The following POFUT3 variants were observed in gnomAD, a reference collection of about 807,000 sequenced individuals.
The protein encoded by POFUT3 is GDP-fucose protein O-fucosyltransferase 3.
the POFUT3 span, among the ~76,000 whole-genome samples, chr8:33,403,684 C>T: frequency 5.6e-3 from 848 of 152,086 alleles, 6 homozygotes; most frequent in Middle Eastern, 0.014. Context: ...ACTATACCAC[C>T]GCATCCCAGC....
chr8:33,308,895 G>A, the POFUT3 span, among the ~76,000 whole-genome samples: 1 of 150,392 alleles, frequency 6.6e-6, no homozygotes, highest in Non-Finnish European at 1.5e-5. Context: ...TTCCCAGTCT[G>A]GTGGTGAATC....
chr8:33,364,199 A>G, the POFUT3 span, among the ~76,000 whole-genome samples: 1 of 152,212 alleles, frequency 6.6e-6, no homozygotes, highest in African/African-American at 2.4e-5. Flanking sequence ...GATGCAGAAA[A>G]GGCCTTTGAC....
the POFUT3 span, among the ~76,000 whole-genome samples, chr8:33,327,818 C>G: frequency 6.6e-6 from 1 of 152,192 alleles, no homozygotes; most frequent in Non-Finnish European, 1.5e-5. Flanking sequence ...TGACTAATTC[C>G]TGTTGGCCCA....
the POFUT3 span, among the ~76,000 whole-genome samples, chr8:33,438,284 G>GACATAGAT: frequency 1.3e-5 from 2 of 150,406 alleles, no homozygotes; most frequent in East Asian, 3.9e-4. Flanking sequence ...CCATCAGCAA[G>GACATAGAT]ACATAGATTC....
the POFUT3 span, among the ~76,000 whole-genome samples, chr8:33,340,894 T>C: frequency 6.6e-6 from 1 of 152,146 alleles, no homozygotes; most frequent in African/African-American, 2.4e-5. Context: ...ACAGAAAATA[T>C]AAAGACTACA....
chr8:33,361,920 G>T, the POFUT3 span, among the ~76,000 whole-genome samples: 1 of 151,762 alleles, frequency 6.6e-6, no homozygotes, highest in East Asian at 1.9e-4. Context: ...AAAAAAAAAT[G>T]ATTTTTAAAA....
the POFUT3 span, among the ~76,000 whole-genome samples, chr8:33,333,649 G>A: frequency 2.6e-4 from 39 of 152,074 alleles, no homozygotes; most frequent in African/African-American, 8.2e-4. Flanking sequence ...GTACACTTGA[G>A]GCAAAAAGCC....
chr8:33,383,487 C>T, the POFUT3 span, among the ~76,000 whole-genome samples: 1 of 152,110 alleles, frequency 6.6e-6, no homozygotes, highest in South Asian at 2.1e-4. Flanking sequence ...GCAGCAAAGG[C>T]TAGGGTGTAC....
At chr8:33,310,809 AG>A in the POFUT3 span, among the ~76,000 whole-genome samples, 1 of 152,250 alleles carries the variant, frequency 6.6e-6, no homozygotes, top group African/African-American at 2.4e-5. Flanking sequence ...TAATGCAAAG[AG>A]ATGATGCCTG....
At chr8:33,328,406 C>T in the POFUT3 span, among the ~76,000 whole-genome samples, 3 of 151,846 alleles carry the variant, frequency 2.0e-5, no homozygotes, top group South Asian at 6.2e-4. Flanking sequence ...AAAAGCAGCT[C>T]ACTTTTTCAA....
the POFUT3 span, among the ~76,000 whole-genome samples, chr8:33,339,976 G>A: frequency 2.0e-5 from 3 of 151,986 alleles, no homozygotes; most frequent in Non-Finnish European, 2.9e-5. Context: ...AGCAAAAAAT[G>A]AACAAAAAAC....
At chr8:33,468,342 C>T in the POFUT3 span, among the ~76,000 whole-genome samples, 9 of 152,128 alleles carry the variant, frequency 5.9e-5, no homozygotes, top group South Asian at 1.9e-3. Flanking sequence ...AGGCAGAAGG[C>T]AGGGAGCTCT....
At chr8:33,440,873 A>G in the POFUT3 span, among the ~76,000 whole-genome samples, 9 of 152,236 alleles carry the variant, frequency 5.9e-5, no homozygotes, top group African/African-American at 1.4e-4. Context: ...AGTATATAAC[A>G]CAAAGCTGGT....
chr8:33,454,823 C>T, the POFUT3 span, among the ~76,000 whole-genome samples: 1 of 151,964 alleles, frequency 6.6e-6, no homozygotes, highest in Non-Finnish European at 1.5e-5. Context: ...CCAGCCACAA[C>T]ACCCAGGTAA....
At chr8:33,386,975 C>A in the POFUT3 span, among the ~76,000 whole-genome samples, 1 of 152,166 alleles carries the variant, frequency 6.6e-6, no homozygotes, top group Non-Finnish European at 1.5e-5. Context: ...CTAGCCCAAG[C>A]AAATCATCAC....
At chr8:33,459,013 T>C in the POFUT3 span, among the ~76,000 whole-genome samples, 1 of 152,148 alleles carries the variant, frequency 6.6e-6, no homozygotes, top group Admixed American at 6.5e-5. Flanking sequence ...GTCCCACAAC[T>C]GTAACTACTC....
chr8:33,381,736 C>T, the POFUT3 span, among the ~76,000 whole-genome samples: 1 of 152,098 alleles, frequency 6.6e-6, no homozygotes, highest in African/African-American at 2.4e-5. Flanking sequence ...GATACTGTGG[C>T]GGTAGTACTA....
At chr8:33,344,837 C>T in the POFUT3 span, among the ~76,000 whole-genome samples, 1 of 152,212 alleles carries the variant, frequency 6.6e-6, no homozygotes, top group African/African-American at 2.4e-5. Context: ...GAATCCCTTG[C>T]TCAGTAAAAG....
the POFUT3 span, among the ~76,000 whole-genome samples, chr8:33,444,544 G>A: frequency 3.9e-5 from 6 of 152,080 alleles, no homozygotes; most frequent in South Asian, 4.2e-4. Flanking sequence ...TGGGCCGGGC[G>A]CAGTGGCTCA....
Sources: allele counts gnomAD v4.1 joint callset (sites outside exome capture counted in the v4.1 genomes callset), GRCh38; gene constraint gnomAD v4.1.1; transcripts MANE v1.5; gene names NCBI Gene and HGNC (gene_info 2026-07-23, HGNC 2026-07-21).